The following DTNB variants were observed in gnomAD, a reference collection of about 807,000 sequenced individuals.
DTNB encodes dystrobrevin beta.
Under a neutral mutation model 90.7 loss-of-function variants are expected in DTNB, and 63 were observed. The ratio of observed to expected loss-of-function variants is 0.69; its 90% CI spans 0.57 to 0.86. DTNB has a LOEUF of 0.86. DTNB is among the 40% of genes least tolerant of loss of function. The pLI is 0.00. For synonymous variants in DTNB, 277 were observed against 286.7 expected (o/e 0.97, Z 0.34); for missense variants, 744 against 807.1 (o/e 0.92, Z 0.95).
intron 8 of DTNB, among the ~76,000 whole-genome samples, chr2:25,549,679 C>T (rs2151091680): frequency 6.6e-6 from 1 of 152,100 alleles, no homozygotes; most frequent in Non-Finnish European, 1.5e-5. Flanking sequence ...TCTTGGATCC[C>T]ATTATTACCT....
chr2:25,505,670 C>G (rs1354590210), intron 9 of DTNB, among the ~76,000 whole-genome samples: 1 of 152,098 alleles, frequency 6.6e-6, no homozygotes, highest in African/African-American at 2.4e-5. Context: ...ACTTGTACTT[C>G]TCCTACTAAA....
intron 1 of DTNB, among the ~76,000 whole-genome samples, chr2:25,670,471 G>A (rs768957278): frequency 6.6e-6 from 1 of 152,180 alleles, no homozygotes; most frequent in Non-Finnish European, 1.5e-5. Flanking sequence ...TTGTTTCCGT[G>A]AGTAGGTCAA....
At chr2:25,518,001 G>A (rs1284719583) in intron 9 of DTNB, among the ~76,000 whole-genome samples, 1 of 152,138 alleles carries the variant, frequency 6.6e-6, no homozygotes, top group African/African-American at 2.4e-5. Flanking sequence ...CTCACATGAG[G>A]TATGTAAAGC....
chr2:25,641,483 A>T (rs2078291863), intron 2 of DTNB, among the ~76,000 whole-genome samples: 1 of 152,008 alleles, frequency 6.6e-6, no homozygotes, highest in Non-Finnish European at 1.5e-5. Flanking sequence ...GGATGGTCTC[A>T]AGCTCCTGAG....
intron 10 of DTNB, among the ~76,000 whole-genome samples, chr2:25,462,749 A>G (rs1000384919): frequency 7.9e-5 from 12 of 151,454 alleles, no homozygotes; most frequent in Admixed American, 2.6e-4. Context: ...TGTCGCCCAG[A>G]CTGGAGTGCA....
chr2:25,632,158 A>C (rs1316729251), intron 3 of DTNB, among the ~76,000 whole-genome samples: 8 of 138,642 alleles, frequency 5.8e-5, no homozygotes, highest in Non-Finnish European at 9.1e-5. Flanking sequence ...TCAGCCCTGC[A>C]CTCCAGCCTG....
chr2:25,388,037 G>A (rs973051355), intron 17 of DTNB, among the ~76,000 whole-genome samples, 165 bp downstream of exon 17: 5 of 152,238 alleles, frequency 3.3e-5, no homozygotes, highest in Admixed American at 6.5e-5. Flanking sequence ...AGACCAGCCC[G>A]TCTCATGAGA....
chr2:25,433,816 G>T (rs2054757858), intron 13 of DTNB, 94 bp downstream of exon 13: 4 of 1,465,946 alleles, frequency 2.7e-6, no homozygotes, highest in Middle Eastern at 3.5e-4. Context: ...TTCCTTGGCG[G>T]TCAAAAGCCA....
rs746352703 is a variant in DTNB at position 25,388,232 on chromosome 2, C to T, written c.1705G>A (p.Gly569Arg). 4.4e-6 allele frequency: 7 copies of T among 1,593,720 alleles called. No individual in the cohort carries two copies. The highest frequency in any genetic ancestry group is 2.7e-5 in the African/African-American group (2 of 74,636). Residue 569 changes from glycine to arginine, a missense_variant, in exon 17 of 21, where the codon GGG (glycine) becomes AGG (arginine). By Grantham distance (125) the Gly-to-Arg change is moderately radical (BLOSUM62 -2). Transcript: ENST00000406818. ...HCPQDSLSGV[G>R]GDVQEAFAQG... ...GCGAAGGCCTCCTGCACGTCTCCCC[C>T]GACTCCGCTCAGCGAGTCCTGCGGA... is the stretch of plus-strand genomic sequence containing the variant.
intron 6 of DTNB, among the ~76,000 whole-genome samples, chr2:25,587,719 C>G (rs2062723388): frequency 6.6e-6 from 1 of 152,158 alleles, no homozygotes; most frequent in Admixed American, 6.5e-5. Context: ...GACACTCTCT[C>G]CTTCACAGGC....
chr2:25,508,312 A>C (rs1448067873), intron 9 of DTNB, among the ~76,000 whole-genome samples: 1 of 152,168 alleles, frequency 6.6e-6, no homozygotes, highest in Non-Finnish European at 1.5e-5. Flanking sequence ...ATAATAAGAC[A>C]AAAGCAGGAA....
At chr2:25,523,897 CTTTTTT>C (rs869167435) in intron 9 of DTNB, among the ~76,000 whole-genome samples, 1 of 115,860 alleles carries the variant, frequency 8.6e-6, no homozygotes. Context: ...GTCATCTGTA[CTTTTTT>C]TTTTTTTTTT....
intron 9 of DTNB, among the ~76,000 whole-genome samples, chr2:25,509,661 C>T (rs1310928059): frequency 6.7e-6 from 1 of 149,148 alleles, no homozygotes; most frequent in Non-Finnish European, 1.5e-5. Flanking sequence ...AAATAATCTT[C>T]TATTTGTTTT....
chr2:25,484,099 G>A (rs1022253188), intron 9 of DTNB, among the ~76,000 whole-genome samples: 1 of 152,056 alleles, frequency 6.6e-6, no homozygotes, highest in African/African-American at 2.4e-5. Context: ...TACACCATAC[G>A]GCCTAGGCTA....
intron 10 of DTNB, among the ~76,000 whole-genome samples, chr2:25,465,368 T>G (rs1232323378): frequency 8.8e-6 from 1 of 113,288 alleles, no homozygotes; most frequent in African/African-American, 3.7e-5. Flanking sequence ...AGAGCGAGAC[T>G]CCGTCTCAAA....
At chr2:25,588,394 T>C (rs1475081577) in intron 6 of DTNB, among the ~76,000 whole-genome samples, 2 of 150,562 alleles carry the variant, frequency 1.3e-5, no homozygotes, top group Non-Finnish European at 3.0e-5. Flanking sequence ...TGAGACGGAG[T>C]CTCCCTCTAT....
At chr2:25,386,789 G>A (rs946712173) in intron 18 of DTNB, among the ~76,000 whole-genome samples, 1 of 152,196 alleles carries the variant, frequency 6.6e-6, no homozygotes, top group African/African-American at 2.4e-5. Context: ...ATGAACTTCA[G>A]GTGAAATCAG....
At chr2:25,586,373 G>A (rs1233007662) in intron 6 of DTNB, among the ~76,000 whole-genome samples, 2 of 151,928 alleles carry the variant, frequency 1.3e-5, no homozygotes, top group Admixed American at 6.6e-5. Flanking sequence ...CGCCAGGTGC[G>A]GTGGTGGGCA....
chr2:25,441,958 A>G (rs1046727121), intron 12 of DTNB, among the ~76,000 whole-genome samples: 2 of 152,158 alleles, frequency 1.3e-5, no homozygotes, highest in African/African-American at 4.8e-5. Context: ...ACTTTTCCCT[A>G]AACAGATTTT....
Sources: allele counts gnomAD v4.1 joint callset (sites outside exome capture counted in the v4.1 genomes callset), GRCh38; gene constraint gnomAD v4.1.1; transcripts MANE v1.5; gene names NCBI Gene and HGNC (gene_info 2026-07-23, HGNC 2026-07-21).